Variants in LRRC36 observed in about 807,000 individuals in gnomAD.
LRRC36 encodes leucine rich repeat containing 36.
A neutral mutation model predicts 81.1 loss-of-function variants in LRRC36; 62 were observed. The observed-to-expected ratio is 0.76, with a 90% CI of 0.62 to 0.94. The LOEUF (loss-of-function observed/expected upper bound fraction) is 0.94, where lower values mean the gene tolerates loss of function less well. Among genes scored for constraint, LRRC36 ranks in the 40% least tolerant of loss-of-function variants. LRRC36 has a pLI of 0.00. For synonymous variants in LRRC36, 334 were observed against 348.6 expected, an observed-to-expected ratio of 0.96 and a Z score of 0.47; for missense variants, 761 against 881.7, an observed-to-expected ratio of 0.86 and a Z score of 1.73.
intron 5 of LRRC36, among the ~76,000 whole-genome samples, chr16:67,361,243 G>A (rs2039132396): frequency 6.6e-6 from 1 of 152,046 alleles, no homozygotes; most frequent in Non-Finnish European, 1.5e-5. Flanking sequence ...TGTTGCCCAG[G>A]CTGGTGTTGA....
At chr16:67,376,181 G>T (rs113171730) in intron 10 of LRRC36, among the ~76,000 whole-genome samples, 1 of 152,016 alleles carries the variant, frequency 6.6e-6, no homozygotes, top group Admixed American at 6.6e-5. Context: ...AGTGGTGTGC[G>T]CCTGTAATCC....
intron 5 of LRRC36, among the ~76,000 whole-genome samples, chr16:67,356,485 G>A (rs915821743): frequency 6.6e-6 from 1 of 152,186 alleles, no homozygotes; most frequent in Non-Finnish European, 1.5e-5. Flanking sequence ...AATGAATATG[G>A]GGGAGAGGCA....
intron 9 of LRRC36, among the ~76,000 whole-genome samples, chr16:67,373,476 G>C (rs2039747173): frequency 6.6e-6 from 1 of 151,888 alleles, no homozygotes; most frequent in African/African-American, 2.4e-5. Context: ...GGGAGGCGAG[G>C]CAGGCAGATC....
chr16:67,355,557 G>T (rs919511486), intron 5 of LRRC36, among the ~76,000 whole-genome samples: 1 of 151,396 alleles, frequency 6.6e-6, no homozygotes, highest in Non-Finnish European at 1.5e-5. Flanking sequence ...TGTATTTTTA[G>T]TAGAGACGGG....
At chr16:67,350,416 C>A in intron 5 of LRRC36, 126 bp downstream of exon 5, 2 of 799,098 alleles carry the variant, frequency 2.5e-6, no homozygotes, top group Non-Finnish European at 4.1e-6. Context: ...CACAGGTTTA[C>A]TGGCTGTGTT....
At chr16:67,383,447 A>G (rs943200871) in intron 13 of LRRC36, among the ~76,000 whole-genome samples, 1 of 152,220 alleles carries the variant, frequency 6.6e-6, no homozygotes, top group Non-Finnish European at 1.5e-5. Flanking sequence ...ACGTGTTGAA[A>G]TGCAGATTGC....
rs1198385432 is a variant in LRRC36 at position 67,371,242 on chromosome 16, G to C, written c.1494G>C (p.Glu498Asp). ...GTTTCCAAGATGCTACAGGCAGCGA[G>C]GCAAGTGTTGGCTTGTTTGTGTTTG... ...KHGFQDATGS[E>D]PLSSDLGSLH... Residue 498 changes from glutamate (E) to aspartate (D), a missense_variant and splice_region_variant, in exon 9 of 14, where the codon GAG becomes GAC. This residue lies in a region of LRRC36 where 359 missense variants were observed against 388.4 expected (regional missense o/e 0.92). Transcript: ENST00000329956. 6.2e-7 allele frequency: 1 copy of C among 1,614,168 alleles called. No individual in the cohort carries two copies. Among genetic ancestry groups the C allele is most frequent in the African/African-American group, 1.3e-5 (1 of 75,070 alleles).
At chr16:67,366,691 A>C (rs1325910813) in intron 7 of LRRC36, among the ~76,000 whole-genome samples, 1 of 151,948 alleles carries the variant, frequency 6.6e-6, no homozygotes, top group African/African-American at 2.4e-5. Flanking sequence ...CGAAGGTTGC[A>C]CTGAGCTGAG....
chr16:67,370,496 G>T (rs557639066), intron 8 of LRRC36, among the ~76,000 whole-genome samples: 3 of 151,986 alleles, frequency 2.0e-5, no homozygotes, highest in Non-Finnish European at 4.4e-5. Context: ...ACAAAAATTA[G>T]CTGGGCATGG....
intron 2 of LRRC36, among the ~76,000 whole-genome samples, chr16:67,345,067 T>C (rs576657839): frequency 6.6e-6 from 1 of 151,956 alleles, no homozygotes; most frequent in Admixed American, 6.5e-5. Flanking sequence ...ATCCCAACAC[T>C]TTGGGAGGCC....
At chr16:67,355,904 G>A (rs1391603758) in intron 5 of LRRC36, among the ~76,000 whole-genome samples, 2 of 152,176 alleles carry the variant, frequency 1.3e-5, no homozygotes, top group Non-Finnish European at 2.9e-5. Context: ...CCTGAAAAGA[G>A]GAGCAGCACA....
At chr16:67,369,442 T>C (rs571370554) in intron 8 of LRRC36, among the ~76,000 whole-genome samples, 1 of 152,320 alleles carries the variant, frequency 6.6e-6, no homozygotes, top group East Asian at 1.9e-4. Flanking sequence ...TTATGGTATT[T>C]GGCAATGAAG....
chr16:67,371,202 T>C lies in LRRC36; in HGVS notation c.1454T>C (p.Leu485Pro). 1 of 1,614,196 alleles carries C rather than the reference T, an allele frequency of 6.2e-7. No homozygotes were observed. The highest frequency in any genetic ancestry group is 8.5e-7 in the Non-Finnish European group (1 of 1,180,032). ...TGGAAGGACAATATCCTTGCCAACC[T>C]GAATCTAAAGCATGGTTTCCAAGAT... ...FKWKDNILANLNLKHGFQDAT... is the reference protein window; with the variant it reads ...FKWKDNILANPNLKHGFQDAT... Residue 485 changes from leucine (L) to proline (P), a missense_variant, in exon 9 of 14, where the codon CTG (leucine) becomes CCG (proline). By Grantham distance (98) the Leu-to-Pro change is moderately conservative. Around this residue, in one of 3 missense-constraint regions of LRRC36, gnomAD observed 359 missense variants for 388.4 expected, o/e 0.92. Coordinates refer to ENST00000329956, the MANE Select transcript of LRRC36 (RefSeq NM_018296.6).
chr16:67,347,847 A>G (rs527419465), intron 4 of LRRC36, among the ~76,000 whole-genome samples: 8 of 152,170 alleles, frequency 5.3e-5, no homozygotes, highest in Non-Finnish European at 1.0e-4. Context: ...TTCACAGGTT[A>G]TAGATAGGGA....
In LRRC36 at chr16:67,371,223, A is replaced by G. The variant is rs886796541; in HGVS notation, c.1475A>G (p.Gln492Arg). Residue 492 changes from glutamine (Q) to arginine (R), a missense_variant, in exon 9 of 14, where the codon CAA becomes CGA. By Grantham distance (43) the Gln-to-Arg change is conservative. Transcript: ENST00000329956. ...LANLNLKHGF[Q>R]DATGSEPLSS... is the part of the protein sequence containing the mutation. ...AACCTGAATCTAAAGCATGGTTTCC[A>G]AGATGCTACAGGCAGCGAGGCAAGT... 9.9e-6 allele frequency: 16 copies of G among 1,614,102 alleles called. No individual in the cohort carries two copies. The African/African-American group carries it at 2.0e-4, about 20-fold the overall frequency.
intron 12 of LRRC36, 38 bp from the exon 13 acceptor site, chr16:67,382,095 G>A (rs1315312901): frequency 5.2e-6 from 7 of 1,344,196 alleles, no homozygotes; most frequent in Non-Finnish European, 7.5e-6. Flanking sequence ...CTAGCAGCTT[G>A]GAATCCTTTT....
Position 67,367,034 on chromosome 16 carries a change from C to T in LRRC36, c.772C>T (p.Pro258Ser), listed in dbSNP as rs771931202. Residue 258 changes from proline to serine, a missense_variant, in exon 8 of 14, where the codon CCT (proline) becomes TCT (serine). Coordinates refer to ENST00000329956, the MANE Select transcript of LRRC36 (RefSeq NM_018296.6). ...GTGTTTAGAGTTCAGACACTACTCGCCTCGTCAGTCCACAGTCCGATCCCC... is the reference window on the plus strand; with the variant it reads ...GTGTTTAGAGTTCAGACACTACTCGTCTCGTCAGTCCACAGTCCGATCCCC... Reference protein sequence around the residue: ...HQEDEFRHYSPRQSTVRSPEK... With the variant: ...HQEDEFRHYSSRQSTVRSPEK... 22 of 1,609,000 alleles carry T rather than the reference C, an allele frequency of 1.4e-5. No individual in the cohort carries two copies. The highest frequency in any genetic ancestry group is 1.8e-5 in the Non-Finnish European group (21 of 1,177,944).
At chr16:67,369,830 A>G (rs140104927) in intron 8 of LRRC36, among the ~76,000 whole-genome samples, 1 of 152,306 alleles carries the variant, frequency 6.6e-6, no homozygotes, top group Non-Finnish European at 1.5e-5. Flanking sequence ...CCCATAATTC[A>G]GTTACTTCCC....
chr16:67,368,522 T>G (rs2039500214), intron 8 of LRRC36, among the ~76,000 whole-genome samples: 1 of 152,140 alleles, frequency 6.6e-6, no homozygotes, highest in South Asian at 2.1e-4. Context: ...GAACATACTT[T>G]TCATGTACAA....
Sources: gnomAD v4.1 joint callset for allele counts (sites outside exome capture counted in the v4.1 genomes callset) on GRCh38, gnomAD v4.1.1 for gene constraint, gnomAD v4.1.1 regional missense constraint, MANE v1.5 for transcripts, NCBI Gene and HGNC (gene_info 2026-07-23, HGNC 2026-07-21) for gene names.